The following TRPC4 variants were observed in gnomAD, a reference collection of about 807,000 sequenced individuals.
TRPC4 encodes short transient receptor potential channel 4.
In TRPC4, 49 loss-of-function variants were observed where a neutral mutation model predicts 99.4. The observed-to-expected ratio is 0.49, with a 90% CI of 0.39 to 0.63. The LOEUF (loss-of-function observed/expected upper bound fraction) is 0.63, where lower values mean the gene tolerates loss of function less well. TRPC4 is among the 20% of genes least tolerant of loss of function. TRPC4 has a pLI of 0.00. For synonymous variants in TRPC4, 454 were observed against 425.9 expected, an observed-to-expected ratio of 1.07 and a Z score of -0.81; for missense variants, 898 against 1,152.9, an observed-to-expected ratio of 0.78 and a Z score of 3.20.
rs541221514 is a variant in TRPC4, at chr13:37,760,446, G to C, written c.379-13991C>G. Among the ~76,000 whole-genome samples, 7 of 152,038 alleles carry C rather than the reference G, an allele frequency of 4.6e-5. No homozygotes were observed. The South Asian group carries it at 1.5e-3, about 32-fold the overall frequency. On this transcript the variant is annotated intron_variant, in intron 2 of 10. Coordinates refer to ENST00000379705, the MANE Select transcript of TRPC4 (RefSeq NM_016179.4). The stretch of plus-strand genomic sequence containing the variant: ...TTTTTGCCTTTAATGGAGGAAGGGG[G>C]AAGGGAAGTTATTATAACTTTCCTA...
chr13:37,696,768 TTCA>T (rs2138907410), intron 3 of TRPC4, among the ~76,000 whole-genome samples: 1 of 152,308 alleles, frequency 6.6e-6, no homozygotes, highest in Admixed American at 6.5e-5. Context: ...TCTTCAGCAA[TTCA>T]AAAATAATCT....
chr13:37,817,973 C>A (rs1463400164), intron 1 of TRPC4, among the ~76,000 whole-genome samples: 1 of 151,626 alleles, frequency 6.6e-6, no homozygotes, highest in Non-Finnish European at 1.5e-5. Context: ...GACACAGGAA[C>A]GTACAAAGAT....
intron 1 of TRPC4, among the ~76,000 whole-genome samples, chr13:37,851,181 A>T (rs1442081559): frequency 6.6e-6 from 1 of 152,190 alleles, no homozygotes; most frequent in African/African-American, 2.4e-5. Context: ...GTCTTGTAAA[A>T]TTTTAAAATT....
At chr13:37,693,541 T>C (rs1749309254) in intron 3 of TRPC4, among the ~76,000 whole-genome samples, 1 of 152,232 alleles carries the variant, frequency 6.6e-6, no homozygotes, top group Admixed American at 6.5e-5. Context: ...ATCTTTCTTC[T>C]TTAGTTCTAA....
intron 2 of TRPC4, among the ~76,000 whole-genome samples, chr13:37,759,423 T>A (rs537683360): frequency 6.6e-6 from 1 of 151,958 alleles, no homozygotes; most frequent in Admixed American, 6.6e-5. Context: ...TTGAGTGGAA[T>A]GGCCAAGGAT....
At chr13:37,788,583 C>T (rs184105923) in intron 1 of TRPC4, among the ~76,000 whole-genome samples, 1 of 152,140 alleles carries the variant, frequency 6.6e-6, no homozygotes, top group African/African-American at 2.4e-5. Context: ...CCTAATGCTC[C>T]ACCTCCTACC....
At chr13:37,662,530 T>C (rs1278668704) in intron 6 of TRPC4, among the ~76,000 whole-genome samples, 1 of 152,212 alleles carries the variant, frequency 6.6e-6, no homozygotes, top group Non-Finnish European at 1.5e-5. Flanking sequence ...TGTGATATTA[T>C]TGACTTTTTT....
chr13:37,689,825 C>T (rs1953621174), intron 4 of TRPC4, among the ~76,000 whole-genome samples: 1 of 152,142 alleles, frequency 6.6e-6, no homozygotes, highest in Non-Finnish European at 1.5e-5. Context: ...GACATTATAT[C>T]ACAAATCTAT....
At chr13:37,787,760 C>A (rs543752425) in intron 1 of TRPC4, among the ~76,000 whole-genome samples, 2 of 151,996 alleles carry the variant, frequency 1.3e-5, no homozygotes, top group Non-Finnish European at 2.9e-5. Context: ...ACAACAAAAA[C>A]TACTTTACTA....
At chr13:37,710,475 C>T (rs1435576942) in intron 3 of TRPC4, among the ~76,000 whole-genome samples, 1 of 151,816 alleles carries the variant, frequency 6.6e-6, no homozygotes, top group Non-Finnish European at 1.5e-5. Context: ...ACCTACACCA[C>T]ACAGAAAAAG....
chr13:37,639,066 C>T lies in TRPC4; in HGVS notation c.2185G>A (p.Glu729Lys). The T allele has an allele frequency of 1.2e-6, 2 of 1,613,632 alleles. No homozygotes were observed. Among genetic ancestry groups the T allele is most frequent in the Non-Finnish European group, 1.7e-6 (2 of 1,179,622 alleles). ...TTAAAGTTCTCTTCGGTCAGGCCTT[C>T]TTCAGTTTTAGCATCTCTAATCATT... ...AAMIRDAKTE[E>K]GLTEENFKEL... is the part of the protein sequence containing the mutation. The change falls in exon 10 of 11, where the codon GAA becomes AAA. Residue 729 changes from glutamate (E) to lysine (K), a missense_variant. Physicochemically the swap from Glu to Lys is moderately conservative, Grantham distance 56 (BLOSUM62 1). Coordinates refer to ENST00000379705, the MANE Select transcript of TRPC4 (RefSeq NM_016179.4).
intron 3 of TRPC4, among the ~76,000 whole-genome samples, chr13:37,729,968 A>G (rs1471024315): frequency 6.6e-6 from 1 of 152,108 alleles, no homozygotes; most frequent in Non-Finnish European, 1.5e-5. Context: ...AAAATGGTTA[A>G]GATAGTAAAT....
Position 37,636,091 on chromosome 13 carries a change from TA to T in TRPC4, c.*811del, listed in dbSNP as rs1250353105. On this transcript the variant is annotated 3_prime_UTR_variant, in exon 11 of 11. Transcript: ENST00000379705. ...AGATACTTACAATATTATGGTTTAT[TA>T]TTTTTTTATAACAGAAATCTTGCCA... Among the ~76,000 whole-genome samples the T allele has an allele frequency of 2.0e-5, 3 of 152,084 alleles. No individual in the cohort carries two copies. The highest frequency in any genetic ancestry group is 2.9e-5 in the Non-Finnish European group (2 of 67,984).
intron 5 of TRPC4, among the ~76,000 whole-genome samples, chr13:37,664,678 C>T (rs561776524): frequency 1.2e-4 from 18 of 152,266 alleles, no homozygotes; most frequent in African/African-American, 4.1e-4. Context: ...TTATTTGCTT[C>T]ATACACATCA....
At chr13:37,829,337 T>C (rs1311819898) in intron 1 of TRPC4, among the ~76,000 whole-genome samples, 1 of 152,220 alleles carries the variant, frequency 6.6e-6, no homozygotes, top group Non-Finnish European at 1.5e-5. Flanking sequence ...AGATTATAAA[T>C]GGCTATTAAG....
At chr13:37,768,201 C>A (rs1011467228) in intron 2 of TRPC4, among the ~76,000 whole-genome samples, 3 of 151,424 alleles carry the variant, frequency 2.0e-5, no homozygotes, top group Non-Finnish European at 3.0e-5. Flanking sequence ...AAAACTTAGT[C>A]TTCAGGTTTA....
At chr13:37,770,004 G>A (rs56340219) in intron 2 of TRPC4, among the ~76,000 whole-genome samples, 15,153 of 151,454 alleles carry the variant, frequency 0.1, 1,107 homozygotes, top group African/African-American at 0.21. Flanking sequence ...AAGTCGTGGA[G>A]CCAGGATTTG....
intron 8 of TRPC4, among the ~76,000 whole-genome samples, chr13:37,648,165 T>C (rs1951907658): frequency 6.6e-6 from 1 of 152,076 alleles, no homozygotes; most frequent in Non-Finnish European, 1.5e-5. Flanking sequence ...ATGGTCTCTA[T>C]CTCTTGACCT....
chr13:37,659,537 G>T (rs965731287), intron 6 of TRPC4, among the ~76,000 whole-genome samples: 2 of 152,168 alleles, frequency 1.3e-5, no homozygotes, highest in African/African-American at 4.8e-5. Context: ...GCAGATCAAT[G>T]AATGATCTAA....
Sources: gnomAD v4.1 joint callset for allele counts (sites outside exome capture counted in the v4.1 genomes callset) on GRCh38, gnomAD v4.1.1 for gene constraint, MANE v1.5 for transcripts, NCBI Gene and HGNC (gene_info 2026-07-23, HGNC 2026-07-21) for gene names.